The following MLLT10 variants were observed in gnomAD, a reference collection of about 807,000 sequenced individuals.
MLLT10 encodes MLLT10 histone lysine methyltransferase DOT1L cofactor.
MLLT10 carries 30 observed loss-of-function variants against 129.1 expected under a neutral mutation model. That is an observed-to-expected ratio of 0.23 (90% confidence interval 0.17 to 0.32). The LOEUF (loss-of-function observed/expected upper bound fraction) is 0.32, where lower values mean the gene tolerates loss of function less well. MLLT10 is among the 10% of genes least tolerant of loss of function. MLLT10 has a pLI of 1.00. For missense variants in MLLT10, 1,119 were observed against 1,268.3 expected, an observed-to-expected ratio of 0.88 and a Z score of 1.79; for synonymous variants, 490 against 446.4, an observed-to-expected ratio of 1.10 and a Z score of -1.23.
intron 4 of MLLT10, among the ~76,000 whole-genome samples, chr10:21,589,663 A>T (rs1353129307): frequency 3.9e-5 from 6 of 152,000 alleles, no homozygotes. Flanking sequence ...CATATATTTT[A>T]TTTTTGTCAT....
intron 13 of MLLT10, among the ~76,000 whole-genome samples, chr10:21,705,674 G>A (rs548691674): frequency 9.1e-4 from 138 of 152,224 alleles, no homozygotes; most frequent in Non-Finnish European, 1.6e-3. Context: ...GCTCATTCAC[G>A]CCTCCACCCT....
chr10:21,536,474 C>G (rs771047387), intron 2 of MLLT10, among the ~76,000 whole-genome samples: 8 of 152,118 alleles, frequency 5.3e-5, no homozygotes, highest in Middle Eastern at 3.2e-3. Flanking sequence ...ATTTTCCTTC[C>G]TAGAAGTACA....
chr10:21,652,053 C>T (rs1192829338), intron 9 of MLLT10, among the ~76,000 whole-genome samples: 1 of 151,898 alleles, frequency 6.6e-6, no homozygotes, highest in African/African-American at 2.4e-5. Context: ...GCTGGGACTA[C>T]AGGCGCGTGC....
At chr10:21,625,740 T>A in intron 8 of MLLT10, 1 of 768,716 alleles carries the variant, frequency 1.3e-6, no homozygotes, top group South Asian at 1.3e-5. Context: ...CTCCATGTTG[T>A]TTACCAGGGC....
At chr10:21,573,444 G>GTA in intron 3 of MLLT10, among the ~76,000 whole-genome samples, 1 of 152,230 alleles carries the variant, frequency 6.6e-6, no homozygotes, top group South Asian at 2.1e-4. Context: ...AGCTTCCTGA[G>GTA]GGTTTGTGTC....
chr10:21,696,371 G>A (rs956577057), intron 13 of MLLT10, among the ~76,000 whole-genome samples: 5 of 151,898 alleles, frequency 3.3e-5, no homozygotes, highest in Non-Finnish European at 7.4e-5. Context: ...TCATTTTTAG[G>A]TAATTTTAAT....
At chr10:21,549,642 TCTAA>T (rs966642168) in intron 3 of MLLT10, among the ~76,000 whole-genome samples, 10 of 149,582 alleles carry the variant, frequency 6.7e-5, no homozygotes, top group East Asian at 1.9e-4. Context: ...AGTGTGGTCC[TCTAA>T]CTGAGTTGTA....
intron 9 of MLLT10, among the ~76,000 whole-genome samples, chr10:21,664,426 G>A (rs773694017): frequency 1.3e-5 from 2 of 150,834 alleles, no homozygotes; most frequent in Non-Finnish European, 2.9e-5. Flanking sequence ...CGATTCTCCT[G>A]TCTCAGCCTC....
intron 10 of MLLT10, among the ~76,000 whole-genome samples, chr10:21,672,264 C>T (rs987254188): frequency 6.6e-6 from 1 of 150,454 alleles, no homozygotes; most frequent in South Asian, 2.1e-4. Flanking sequence ...GTCATGTGAT[C>T]ACGGCTCACT....
chr10:21,576,163 G>A (rs1230873031), intron 3 of MLLT10, among the ~76,000 whole-genome samples: 1 of 151,624 alleles, frequency 6.6e-6, no homozygotes, highest in African/African-American at 2.4e-5. Context: ...CTGGCCTCAA[G>A]TGATCAAGTG....
rs375136431 is a variant in MLLT10 at position 21,671,020 on chromosome 10, G to A, written c.1051+316G>A. The A allele has an allele frequency of 4.5e-5, 10 of 224,198 alleles. No individual in the cohort carries two copies. In the East Asian group the frequency reaches 1.1e-3, roughly 25 times the overall value. The allele number at this position is 224,198 out of a possible 1,614,324, so 13.9% of individuals were successfully genotyped here. On this transcript the variant is annotated intron_variant, in intron 10 of 22. Coordinates refer to ENST00000307729, the MANE Select transcript of MLLT10 (RefSeq NM_001195626.3). ...AAGCTGGAGCTTTGCTTTGAGTTCTGTAGAACAGTCCTTCTTTTTGTTTGA... is the reference window on the plus strand; with the variant it reads ...AAGCTGGAGCTTTGCTTTGAGTTCTATAGAACAGTCCTTCTTTTTGTTTGA...
intron 21 of MLLT10, chr10:21,738,430 A>T (rs533522895): frequency 2.5e-5 from 32 of 1,288,964 alleles, no homozygotes; most frequent in Non-Finnish European, 3.1e-5. Flanking sequence ...CATTTCCAGA[A>T]CATGGTTAAG....
chr10:21,644,681 C>T (rs1050721438), intron 8 of MLLT10, among the ~76,000 whole-genome samples: 4 of 151,978 alleles, frequency 2.6e-5, no homozygotes, highest in Admixed American at 2.6e-4. Context: ...TCACTCTGTC[C>T]CCCAAGCTGG....
At chr10:21,621,947 ATAACT>A (rs1336982260) in intron 8 of MLLT10, among the ~76,000 whole-genome samples, 17 of 152,170 alleles carry the variant, frequency 1.1e-4, no homozygotes, top group African/African-American at 2.2e-4. Flanking sequence ...TAAAAATGAA[ATAACT>A]TAATTTACAA....
chr10:21,688,345 A>G (rs536889467), intron 13 of MLLT10: 36 of 664,202 alleles, frequency 5.4e-5, no homozygotes, highest in African/African-American at 4.7e-4. Context: ...TTAAATTTAC[A>G]TAGGTTTCAT....
chr10:21,547,250 T>TA lies in MLLT10; in HGVS notation c.240+8341dup, dbSNP rs1486738960. 2.6e-5 allele frequency among the ~76,000 whole-genome samples: 4 copies of TA among 152,138 alleles called. No homozygotes were observed. The East Asian group carries it at 7.7e-4, about 29-fold the overall frequency. ...TTTCTTTTATTTTAGTGATTGCACT[T>TA]AAAGTTTTAACATGCATACTTAATG... On this transcript the variant is annotated intron_variant, in intron 3 of 22. Transcript: ENST00000307729.
chr10:21,547,462 T>A (rs1189547282), intron 3 of MLLT10, among the ~76,000 whole-genome samples: 1 of 151,570 alleles, frequency 6.6e-6, no homozygotes, highest in Non-Finnish European at 1.5e-5. Flanking sequence ...TCTGGAACTC[T>A]TGGGCTCATG....
At chr10:21,558,744 C>T (rs2038409334) in intron 3 of MLLT10, among the ~76,000 whole-genome samples, 1 of 152,064 alleles carries the variant, frequency 6.6e-6, no homozygotes, top group Non-Finnish European at 1.5e-5. Context: ...TTTGTTTTGA[C>T]ACTATTCCTC....
intron 4 of MLLT10, among the ~76,000 whole-genome samples, chr10:21,586,640 C>T (rs532597799): frequency 2.0e-5 from 3 of 152,246 alleles, no homozygotes; most frequent in Admixed American, 2.0e-4. Context: ...GTAATCCCAG[C>T]ACTTTGGGAG....
Sources: gnomAD v4.1 joint callset for allele counts (sites outside exome capture counted in the v4.1 genomes callset) on GRCh38, gnomAD v4.1.1 for gene constraint, MANE v1.5 for transcripts, NCBI Gene and HGNC (gene_info 2026-07-23, HGNC 2026-07-21) for gene names.